The following KLF12 variants were observed in gnomAD, a reference collection of about 807,000 sequenced individuals.
The protein encoded by KLF12 is Krueppel-like factor 12.
In KLF12, 9 loss-of-function variants were observed where a neutral mutation model predicts 37.8. The observed-to-expected ratio is 0.24, with a 90% CI of 0.14 to 0.42. The LOEUF (loss-of-function observed/expected upper bound fraction) is 0.42, where lower values mean the gene tolerates loss of function less well. KLF12 is among the 10% of genes least tolerant of loss of function. The pLI, the probability that KLF12 is intolerant of heterozygous loss-of-function variation, is 1.00. For missense variants in KLF12, 411 were observed against 516.0 expected, an observed-to-expected ratio of 0.80 and a Z score of 1.97; for synonymous variants, 208 against 202.1, an observed-to-expected ratio of 1.03 and a Z score of -0.25.
intron 1 of KLF12, among the ~76,000 whole-genome samples, chr13:74,050,902 AAAAGAC>A (rs1201453728): frequency 6.6e-6 from 1 of 152,224 alleles, no homozygotes; most frequent in Non-Finnish European, 1.5e-5. Flanking sequence ...GACATTTCTC[AAAAGAC>A]GTAGAAATGG....
At chr13:73,713,727 A>G (rs777403427) in intron 7 of KLF12, among the ~76,000 whole-genome samples, 1 of 152,230 alleles carries the variant, frequency 6.6e-6, no homozygotes, top group Non-Finnish European at 1.5e-5. Flanking sequence ...ATGCAATCCT[A>G]TACTGCCATG....
At chr13:74,296,688 A>G in the KLF12 span, among the ~76,000 whole-genome samples, 1 of 152,172 alleles carries the variant, frequency 6.6e-6, no homozygotes, top group Non-Finnish European at 1.5e-5. Context: ...TTTCATTTTC[A>G]CCATACAATA....
intron 6 of KLF12, among the ~76,000 whole-genome samples, chr13:73,752,195 C>T (rs555268819): frequency 1.3e-5 from 2 of 152,138 alleles, no homozygotes; most frequent in South Asian, 2.1e-4. Context: ...GCTGGCCAGG[C>T]TGGTCTTGAA....
At chr13:74,058,590 T>C (rs1190505222) in intron 1 of KLF12, among the ~76,000 whole-genome samples, 1 of 151,164 alleles carries the variant, frequency 6.6e-6, no homozygotes. Context: ...TCTCCTGACC[T>C]CATGATCCGC....
intron 1 of KLF12, among the ~76,000 whole-genome samples, chr13:74,002,391 T>A (rs1485493799): frequency 6.6e-6 from 1 of 152,260 alleles, no homozygotes; most frequent in East Asian, 1.9e-4. Flanking sequence ...ATTTATGTTT[T>A]CGAGACAGGG....
intron 6 of KLF12, among the ~76,000 whole-genome samples, chr13:73,747,823 GATTT>G (rs373418340): frequency 6.8e-6 from 1 of 147,728 alleles, no homozygotes; most frequent in Non-Finnish European, 1.5e-5. Context: ...TAGGCAGTCT[GATTT>G]ATTGATCCCT....
chr13:73,693,712 C>A lies in KLF12; in HGVS notation c.*1778G>T, dbSNP rs1033727941. 6 of 152,498 alleles carry A rather than the reference C, an allele frequency of 3.9e-5. No individual in the cohort carries two copies. The highest frequency in any genetic ancestry group is 7.4e-5 in the Non-Finnish European group (5 of 68,012). The allele number at this position is 152,498 out of a possible 1,614,324, so 9.4% of individuals were successfully genotyped here. Reference sequence around the variant, plus strand: ...TTGTGAGGTTAATATGTGCAATTCCCAAAATCAAGTGTTTGTAATTAAAAT... The same window carrying A: ...TTGTGAGGTTAATATGTGCAATTCCAAAAATCAAGTGTTTGTAATTAAAAT... On this transcript the variant is annotated 3_prime_UTR_variant, in exon 8 of 8. Transcript: ENST00000377669.
At chr13:74,160,110 G>T in the KLF12 span, among the ~76,000 whole-genome samples, 2 of 151,936 alleles carry the variant, frequency 1.3e-5, no homozygotes, top group African/African-American at 4.8e-5. Context: ...TTGGCAATTT[G>T]GCTTATGAAT....
At chr13:74,071,708 G>T (rs1241414198) in intron 1 of KLF12, among the ~76,000 whole-genome samples, 1 of 152,056 alleles carries the variant, frequency 6.6e-6, no homozygotes, top group African/African-American at 2.4e-5. Context: ...AGAAAAAAAA[G>T]AAATGACTGA....
intron 3 of KLF12, among the ~76,000 whole-genome samples, chr13:73,884,323 G>A (rs2138973147): frequency 6.6e-6 from 1 of 152,170 alleles, no homozygotes; most frequent in African/African-American, 2.4e-5. Context: ...CGCAAATACG[G>A]CCCACAAAAT....
At chr13:73,755,059 A>C (rs1401837541) in intron 6 of KLF12, among the ~76,000 whole-genome samples, 1 of 152,346 alleles carries the variant, frequency 6.6e-6, no homozygotes, top group East Asian at 1.9e-4. Context: ...GTAAGAAATC[A>C]GTCCATTCTT....
intron 6 of KLF12, among the ~76,000 whole-genome samples, chr13:73,745,221 G>T (rs1253930766): frequency 1.3e-5 from 2 of 152,174 alleles, no homozygotes; most frequent in African/African-American, 2.4e-5. Flanking sequence ...GGACATAAGA[G>T]AACACATATT....
chr13:73,791,610 C>T (rs1881691513), intron 5 of KLF12, among the ~76,000 whole-genome samples: 1 of 152,126 alleles, frequency 6.6e-6, no homozygotes, highest in African/African-American at 2.4e-5. Context: ...GTAACATTTC[C>T]TTAGCTTTAT....
At chr13:74,037,262 A>G (rs74095985) in intron 1 of KLF12, among the ~76,000 whole-genome samples, 3,679 of 152,170 alleles carry the variant, frequency 0.024, 140 homozygotes, top group African/African-American at 0.084. Context: ...CCTGAAAGAA[A>G]AACATACAAA....
chr13:74,260,046 C>T, the KLF12 span: 1 of 152,120 alleles, frequency 6.6e-6, no homozygotes, highest in Non-Finnish European at 1.5e-5. Context: ...AAGGTGGAGG[C>T]TGTTTCTTTT....
chr13:74,227,360 T>A, the KLF12 span, among the ~76,000 whole-genome samples: 1 of 152,156 alleles, frequency 6.6e-6, no homozygotes, highest in Non-Finnish European at 1.5e-5. Flanking sequence ...TCACATAAAC[T>A]CTTGGAGAAA....
chr13:73,981,921 C>G (rs1891698400), intron 2 of KLF12, among the ~76,000 whole-genome samples: 1 of 152,002 alleles, frequency 6.6e-6, no homozygotes, highest in African/African-American at 2.4e-5. Flanking sequence ...GCAGCCCAGA[C>G]AGGCTAAGAA....
the KLF12 span, among the ~76,000 whole-genome samples, chr13:74,305,196 A>T: frequency 1.3e-5 from 2 of 152,066 alleles, no homozygotes; most frequent in Non-Finnish European, 2.9e-5. Flanking sequence ...TATCAATAAC[A>T]GTTTTTTAAA....
At chr13:73,891,911 C>T (rs1462110115) in intron 3 of KLF12, among the ~76,000 whole-genome samples, 3 of 152,176 alleles carry the variant, frequency 2.0e-5, no homozygotes, top group Admixed American at 2.0e-4. Flanking sequence ...CAAAAAGTAA[C>T]ATTGTATCAA....
Sources: allele counts gnomAD v4.1 joint callset (sites outside exome capture counted in the v4.1 genomes callset), GRCh38; gene constraint gnomAD v4.1.1; transcripts MANE v1.5; gene names NCBI Gene and HGNC (gene_info 2026-07-23, HGNC 2026-07-21).